Variants in NPSR1 observed in about 807,000 individuals in gnomAD.
NPSR1 encodes the protein neuropeptide S receptor 1.
NPSR1 carries 48 observed loss-of-function variants against 46.9 expected under a neutral mutation model. That is an observed-to-expected ratio of 1.02 (90% CI 0.81 to 1.30). NPSR1 has a LOEUF of 1.30. NPSR1 is among the 50% of genes most tolerant of loss of function. NPSR1 has a pLI of 0.00. For synonymous variants in NPSR1, 176 were observed against 168.1 expected (o/e 1.05, Z -0.36); for missense variants, 450 against 449.5 (o/e 1.00, Z -0.01).
intron 8 of NPSR1, among the ~76,000 whole-genome samples, chr7:34,856,451 G>T (rs553313724): frequency 8.6e-5 from 13 of 151,676 alleles, no homozygotes; most frequent in Non-Finnish European, 1.9e-4. Context: ...AAAAATAAGA[G>T]AAAAAGCATA....
chr7:34,859,367 G>A (rs1298778245), intron 8 of NPSR1, among the ~76,000 whole-genome samples: 1 of 151,608 alleles, frequency 6.6e-6, no homozygotes, highest in Non-Finnish European at 1.5e-5. Context: ...TTCATCCAAA[G>A]AGTCTCCTCC....
chr7:34,666,988 CTT>C (rs1791784674), intron 1 of NPSR1, among the ~76,000 whole-genome samples: 1 of 152,226 alleles, frequency 6.6e-6, no homozygotes, highest in African/African-American at 2.4e-5. Context: ...ATGCCATTCA[CTT>C]ATGTAATTTT....
At position 34,695,053 on chromosome 7, in the gene NPSR1, A is replaced by T. The variant is rs374887190; in HGVS notation, c.280+10369A>T. Among the ~76,000 whole-genome samples the T allele has an allele frequency of 2.0e-5, 3 of 152,258 alleles. No homozygotes were observed. The South Asian group carries it at 6.2e-4, about 32-fold the overall frequency. ...AAAAGAAAAAATCCAGAGGCACCAC[A>T]TTGCCTGACTTTATACAACAAGGCT... On this transcript the variant is annotated intron_variant, in intron 2 of 8. Transcript: ENST00000360581.
intron 4 of NPSR1, 23 bp from the exon 5 acceptor site, chr7:34,827,378 A>G: frequency 6.2e-7 from 1 of 1,611,388 alleles, no homozygotes; most frequent in South Asian, 1.1e-5. Context: ...ATACCCAGAC[A>G]TTCCTCTCTT....
chr7:34,700,835 G>C (rs535900218), intron 2 of NPSR1, among the ~76,000 whole-genome samples: 57 of 152,240 alleles, frequency 3.7e-4, no homozygotes, highest in Middle Eastern at 3.4e-3. Context: ...GATTAAATAA[G>C]ATAATGAATA....
intron 1 of NPSR1, among the ~76,000 whole-genome samples, chr7:34,664,369 A>G (rs1465995045): frequency 6.6e-6 from 1 of 152,236 alleles, no homozygotes; most frequent in Non-Finnish European, 1.5e-5. Context: ...ATGCTTGTAT[A>G]GCCTTAAAGA....
At chr7:34,783,930 T>C (rs1301108179) in intron 3 of NPSR1, among the ~76,000 whole-genome samples, 2 of 151,848 alleles carry the variant, frequency 1.3e-5, no homozygotes, top group Non-Finnish European at 2.9e-5. Flanking sequence ...AGGAATCAAG[T>C]AGAGAGAAAG....
intron 2 of NPSR1, among the ~76,000 whole-genome samples, chr7:34,690,368 G>A (rs541404121): frequency 2.9e-4 from 44 of 152,150 alleles, no homozygotes; most frequent in African/African-American, 1.0e-3. Flanking sequence ...CACCCCCAAA[G>A]GATCACACTA....
At chr7:34,872,349 T>A (rs1354248487) in intron 8 of NPSR1, among the ~76,000 whole-genome samples, 1 of 151,948 alleles carries the variant, frequency 6.6e-6, no homozygotes, top group Non-Finnish European at 1.5e-5. Flanking sequence ...TTTGGACCTA[T>A]GATGGAAGGG....
intron 3 of NPSR1, among the ~76,000 whole-genome samples, chr7:34,784,879 C>A (rs1259531715): frequency 6.6e-6 from 1 of 152,070 alleles, no homozygotes; most frequent in Non-Finnish European, 1.5e-5. Context: ...AGTCAGGAAA[C>A]AACAGGTGCT....
At chr7:34,820,643 C>T (rs569413132) in intron 4 of NPSR1, among the ~76,000 whole-genome samples, 2 of 152,204 alleles carry the variant, frequency 1.3e-5, no homozygotes, top group East Asian at 3.9e-4. Flanking sequence ...TGGTTTTATA[C>T]ATTTTAGGGC....
chr7:34,776,218 T>C (rs1387874608), intron 2 of NPSR1, among the ~76,000 whole-genome samples: 4 of 152,198 alleles, frequency 2.6e-5, no homozygotes, highest in African/African-American at 9.6e-5. Context: ...AGCTGTTGTT[T>C]GGTCTATAGC....
At chr7:34,702,288 T>C (rs1033060487) in intron 2 of NPSR1, among the ~76,000 whole-genome samples, 2 of 152,200 alleles carry the variant, frequency 1.3e-5, no homozygotes, top group Non-Finnish European at 2.9e-5. Context: ...TTCCCACCCA[T>C]TAGTTTTTCC....
chr7:34,827,068 T>C (rs16879066), intron 4 of NPSR1, among the ~76,000 whole-genome samples: 2,596 of 152,278 alleles, frequency 0.017, 34 homozygotes, highest in Non-Finnish European at 0.025. Flanking sequence ...CACCGCAACT[T>C]ACCAAATGTA....
intron 2 of NPSR1, among the ~76,000 whole-genome samples, chr7:34,709,339 T>G (rs1794270870): frequency 6.6e-6 from 1 of 152,192 alleles, no homozygotes; most frequent in Non-Finnish European, 1.5e-5. Flanking sequence ...AATTATTACC[T>G]GTTCTCAATT....
At chr7:34,808,149 G>A (rs999806887) in intron 3 of NPSR1, among the ~76,000 whole-genome samples, 4 of 152,136 alleles carry the variant, frequency 2.6e-5, no homozygotes, top group Admixed American at 6.5e-5. Context: ...GCAGTCACCC[G>A]AAGCCAGAAG....
In NPSR1 at chr7:34,870,945, T is replaced by C. The variant is rs904993943; in HGVS notation, c.1026-7131T>C. Among the ~76,000 whole-genome samples, 4 of 151,530 alleles carry C rather than the reference T, an allele frequency of 2.6e-5. 1 individual carries two copies. The highest frequency in any genetic ancestry group is 9.8e-5 in the African/African-American group (4 of 40,888). On this transcript the variant is annotated intron_variant, in intron 8 of 8. Transcript: ENST00000359791. ...ATGGATGGATGGATAGATGGATGGA[T>C]GGATGAAAGGAAGGGTAGATGAACA...
intron 4 of NPSR1, among the ~76,000 whole-genome samples, chr7:34,821,486 A>G (rs1420076140): frequency 6.6e-6 from 1 of 152,170 alleles, no homozygotes; most frequent in African/African-American, 2.4e-5. Context: ...AAAGGGTTGA[A>G]TGTGGTGGAC....
intron 2 of NPSR1, chr7:34,685,671 T>A (rs17169985): frequency 0.13 from 53,915 of 417,420 alleles, 5,255 homozygotes; most frequent in African/African-American, 0.36. Context: ...TTTCAAAAAT[T>A]TATGACACTG....
Sources: allele counts gnomAD v4.1 joint callset (sites outside exome capture counted in the v4.1 genomes callset), GRCh38; gene constraint gnomAD v4.1.1; transcripts MANE v1.5; gene names NCBI Gene and HGNC (gene_info 2026-07-23, HGNC 2026-07-21).